Variants in TENM1 observed in about 807,000 individuals in gnomAD.
TENM1 encodes teneurin transmembrane protein 1, also known as teneurin-1.
Under a neutral mutation model 174.8 loss-of-function variants are expected in TENM1, and 35 were observed. The ratio of observed to expected loss-of-function variants is 0.20; its 90% confidence interval spans 0.15 to 0.27. The LOEUF is 0.27. Ranked by LOEUF, TENM1 falls within the 10% of genes least tolerant of loss-of-function variation. The probability of loss-of-function intolerance (pLI) is 1.00; values close to 1 mark genes in which losing one functional copy is unlikely to be tolerated. For synonymous variants in TENM1, 781 were observed against 798.7 expected (o/e 0.98, Z 0.37); for missense variants, 1,633 against 2,130.1 (o/e 0.77, Z 4.59).
chrX:124,737,319 GT>G, intron 3 of TENM1, 122 bp from the exon 7 acceptor site: 1 of 794,951 alleles, frequency 1.3e-6, no homozygotes, highest in Non-Finnish European at 1.7e-6. Context: ...GAGGGAGGTT[GT>G]TTTAAGTTCA....
At chrX:124,467,908 G>A (rs989768029) in intron 22 of TENM1, among the ~76,000 whole-genome samples, 5 of 109,167 alleles carry the variant, frequency 4.6e-5, no homozygotes, top group Non-Finnish European at 7.6e-5. Context: ...ACAGGCACAC[G>A]CCACCATGCC....
intron 11 of TENM1, among the ~76,000 whole-genome samples, chrX:124,591,899 C>T (rs1408870654): frequency 8.9e-6 from 1 of 112,086 alleles, no homozygotes; most frequent in East Asian, 2.8e-4. Flanking sequence ...CCATATTTCT[C>T]AAATACTTTG....
chrX:124,928,975 T>C (rs1907377950), intron 1 of TENM1, among the ~76,000 whole-genome samples: 1 of 112,198 alleles, frequency 8.9e-6, no homozygotes, highest in African/African-American at 3.2e-5. Flanking sequence ...ATTTCAAACA[T>C]CTTCCATGTC....
chrX:125,007,615 A>G, the TENM1 span, among the ~76,000 whole-genome samples: 1 of 111,415 alleles, frequency 9.0e-6, no homozygotes, highest in Non-Finnish European at 1.9e-5. Flanking sequence ...AAGGGGAAAA[A>G]ATGTTAAAGG....
At chrX:124,539,417 G>T (rs753172772) in intron 15 of TENM1, among the ~76,000 whole-genome samples, 26 of 111,372 alleles carry the variant, frequency 2.3e-4, no homozygotes, top group African/African-American at 8.5e-4. Flanking sequence ...TTCATTGTTT[G>T]CCTCCCTCAC....
chrX:125,198,751 T>C, the TENM1 span, among the ~76,000 whole-genome samples: 6 of 111,046 alleles, frequency 5.4e-5, no homozygotes, highest in African/African-American at 1.6e-4. Flanking sequence ...GTCTGTCCCA[T>C]CTAGTTTCCA....
intron 11 of TENM1, among the ~76,000 whole-genome samples, chrX:124,577,625 G>A (rs949604656): frequency 2.7e-5 from 3 of 111,233 alleles, no homozygotes; most frequent in Non-Finnish European, 3.8e-5. Context: ...CCTATGAGTC[G>A]CCACACCCAT....
At chrX:125,050,790 T>C in the TENM1 span, among the ~76,000 whole-genome samples, 1 of 111,682 alleles carries the variant, frequency 9.0e-6, no homozygotes, top group African/African-American at 3.3e-5. Context: ...AGTGTAAAAG[T>C]GTTCCTATTT....
At chrX:125,054,991 A>C in the TENM1 span, among the ~76,000 whole-genome samples, 1 of 111,943 alleles carries the variant, frequency 8.9e-6, no homozygotes, top group African/African-American at 3.2e-5. Context: ...AAGTGCTAGT[A>C]AGGCTTTCGG....
intron 3 of TENM1, among the ~76,000 whole-genome samples, chrX:124,774,861 T>C (rs1331952242): frequency 9.0e-6 from 1 of 110,679 alleles, no homozygotes; most frequent in Non-Finnish European, 1.9e-5. Flanking sequence ...TACTTAATAT[T>C]CCCTCTTATC....
At chrX:124,595,159 A>G (rs1162554508) in intron 11 of TENM1, among the ~76,000 whole-genome samples, 1 of 112,237 alleles carries the variant, frequency 8.9e-6, no homozygotes, top group Admixed American at 9.5e-5. Flanking sequence ...CTCTGAGCCA[A>G]TTACCACAAG....
intron 3 of TENM1, among the ~76,000 whole-genome samples, chrX:124,805,371 T>C (rs1251948379): frequency 8.9e-6 from 1 of 112,434 alleles, no homozygotes; most frequent in Non-Finnish European, 1.9e-5. Context: ...ATAATAGTTC[T>C]AACCTTGAGA....
At chrX:124,733,019 G>C (rs141584662) in intron 4 of TENM1, among the ~76,000 whole-genome samples, 197 of 111,852 alleles carry the variant, frequency 1.8e-3, no homozygotes, top group African/African-American at 6.0e-3. Context: ...AGGCTAATAA[G>C]AACCCACACC....
At chrX:124,830,416 C>G (rs1487445400) in intron 3 of TENM1, among the ~76,000 whole-genome samples, 2 of 111,759 alleles carry the variant, frequency 1.8e-5, no homozygotes, top group African/African-American at 6.5e-5. Flanking sequence ...GAAGCAGTAG[C>G]AACGTCGTGC....
intron 6 of TENM1, among the ~76,000 whole-genome samples, chrX:124,665,063 C>T (rs1319118958): frequency 1.8e-5 from 2 of 111,608 alleles, no homozygotes; most frequent in Non-Finnish European, 3.8e-5. Context: ...CACGGCTGGG[C>T]GTGGTGGCTC....
chrX:124,416,367 C>T (rs1276631530), intron 25 of TENM1, among the ~76,000 whole-genome samples: 2 of 111,983 alleles, frequency 1.8e-5, no homozygotes, highest in Non-Finnish European at 3.8e-5. Flanking sequence ...TTTCTAGATT[C>T]TTTCACTGAG....
chrX:124,820,229 G>T, intron 3 of TENM1, among the ~76,000 whole-genome samples: 1 of 111,107 alleles, frequency 9.0e-6, no homozygotes, highest in East Asian at 2.8e-4. Context: ...TTCCTTACTG[G>T]CTTTTACTTA....
exon 32 of TENM1, chrX:124,380,931 G>A (rs200451734): frequency 5.0e-6 from 6 of 1,211,373 alleles, no homozygotes; most frequent in East Asian, 3.0e-5. Flanking sequence ...TCCAGAATCC[G>A]CCTCCCCCCA....
intron 3 of TENM1, among the ~76,000 whole-genome samples, chrX:124,881,496 C>A (rs1336309653): frequency 1.8e-5 from 2 of 110,113 alleles, no homozygotes; most frequent in Non-Finnish European, 3.8e-5. Flanking sequence ...CTTTGTATTA[C>A]TTTTTATAGT....
Sources: allele counts gnomAD v4.1 joint callset (sites outside exome capture counted in the v4.1 genomes callset), GRCh38; gene constraint gnomAD v4.1.1; transcripts MANE v1.5; gene names NCBI Gene and HGNC (gene_info 2026-07-23, HGNC 2026-07-21).